Variants in CRTC1 observed in about 807,000 individuals in gnomAD.
CRTC1 encodes the protein CREB regulated transcription coactivator 1, also known as CREB-regulated transcription coactivator 1.
In CRTC1, 18 loss-of-function variants were observed where a neutral mutation model predicts 66.1. The ratio of observed to expected loss-of-function variants is 0.27; its 90% CI spans 0.19 to 0.40. The LOEUF (loss-of-function observed/expected upper bound fraction) is 0.40. Ranked by LOEUF, CRTC1 falls within the 10% of genes least tolerant of loss-of-function variation. The pLI is 1.00. For synonymous variants in CRTC1, 416 were observed against 398.8 expected, an observed-to-expected ratio of 1.04 and a Z score of -0.51; for missense variants, 669 against 887.9, an observed-to-expected ratio of 0.75 and a Z score of 3.13.
intron 3 of CRTC1, among the ~76,000 whole-genome samples, chr19:18,746,341 C>T (rs554051658): frequency 2.6e-5 from 4 of 152,250 alleles, no homozygotes; most frequent in Admixed American, 6.5e-5. Flanking sequence ...ACGCGCTGCA[C>T]GGAGGGCAGC....
chr19:18,771,356 C>A lies in CRTC1; in HGVS notation c.1321-86C>A. ...AGGGGCGGGGGGACCTGCCTGGGGG[C>A]TGATCAGGCTGCTCCCGGGAAGCAG... On this transcript the variant is annotated intron_variant, in intron 10 of 13. Coordinates refer to ENST00000321949, the MANE Select transcript of CRTC1 (RefSeq NM_015321.3). The surrounding 1 kb of genome is among the most constrained non-coding windows in gnomAD (Gnocchi z 4.6). 1 of 1,166,024 alleles carries A rather than the reference C, an allele frequency of 8.6e-7. No homozygotes were observed. The highest frequency in any genetic ancestry group is 1.2e-6 in the Non-Finnish European group (1 of 821,596). 72.2% of individuals were successfully genotyped at this position (1,166,024 alleles called of 1,614,324 possible).
intron 1 of CRTC1, among the ~76,000 whole-genome samples, chr19:18,701,590 T>G (rs750638820): frequency 1.3e-4 from 20 of 152,158 alleles, no homozygotes; most frequent in Non-Finnish European, 2.4e-4. Context: ...GTTAACTGTT[T>G]CTTATGAGAT....
intron 1 of CRTC1, among the ~76,000 whole-genome samples, chr19:18,691,522 CAAAA>C (rs60633222): frequency 8.3e-5 from 6 of 72,644 alleles, no homozygotes; most frequent in African/African-American, 1.2e-4. Flanking sequence ...CCCTTTTCTC[CAAAA>C]AAAAAAAAAA....
In CRTC1 at chr19:18,768,596, C is replaced by T. The variant is rs1262466306; in HGVS notation, c.1123C>T (p.Pro375Ser). 3.9e-6 allele frequency: 6 copies of T among 1,549,452 alleles called. No individual in the cohort carries two copies. Among genetic ancestry groups the T allele is most frequent in the Non-Finnish European group, 5.3e-6 (6 of 1,142,486 alleles). ...PQPQPPPPPP[P>S]ASQQPPPPPP... ...GCCCCAGCCCCCGCCGCCTCCTCCA[C>T]CCGCGTCCCAGCAGCCACCACCCCC... Residue 375 changes from proline (P) to serine (S), a missense_variant, in exon 10 of 14, where the codon CCC becomes TCC. By Grantham distance (74) the Pro-to-Ser change is moderately conservative (BLOSUM62 -1). Around this residue, in one of 8 missense-constraint regions of CRTC1, gnomAD observed 241 missense variants for 242.2 expected, o/e 0.99. Coordinates refer to ENST00000321949, the MANE Select transcript of CRTC1 (RefSeq NM_015321.3). This position sits in a 1 kb window ranked among gnomAD's most constrained non-coding sequence, Gnocchi z 5.6.
chr19:18,708,424 C>T (rs922422742), intron 1 of CRTC1, among the ~76,000 whole-genome samples: 15 of 152,144 alleles, frequency 9.9e-5, no homozygotes, highest in East Asian at 7.7e-4. Context: ...GAGAGAGGAA[C>T]GGGGCCACCC....
chr19:18,724,733 C>T lies in CRTC1; in HGVS notation c.127-18177C>T, dbSNP rs142657195. Among the ~76,000 whole-genome samples, 12 of 149,592 alleles carry T rather than the reference C, an allele frequency of 8.0e-5. No individual in the cohort carries two copies. In the East Asian group the frequency reaches 1.0e-3, roughly 13 times the overall value. Reference sequence around the variant, plus strand: ...GCAGTCACCCGATGTAGGGTCCTCCCGGCTAATCTAGGATGATTTCTTCAT... The same window carrying T: ...GCAGTCACCCGATGTAGGGTCCTCCTGGCTAATCTAGGATGATTTCTTCAT... On this transcript the variant is annotated intron_variant, in intron 1 of 13. Coordinates refer to ENST00000321949, the MANE Select transcript of CRTC1 (RefSeq NM_015321.3).
intron 1 of CRTC1, among the ~76,000 whole-genome samples, chr19:18,708,523 G>A (rs1030551197): frequency 2.6e-5 from 4 of 152,192 alleles, no homozygotes; most frequent in African/African-American, 4.8e-5. Context: ...TGGGGGAATC[G>A]GGACCATGAC....
Position 18,760,281 on chromosome 19 carries a change from AC to A in CRTC1, c.886+54del. On this transcript the variant is annotated intron_variant, in intron 8 of 13. Coordinates refer to ENST00000321949, the MANE Select transcript of CRTC1 (RefSeq NM_015321.3). The surrounding 1 kb of genome is among the most constrained non-coding windows in gnomAD (Gnocchi z 6.2). ...CAGAGCACTGGCTTGTGGAGACAAC[AC>A]GGGCATCTGCAGGATGACTTGGCAG... 7.2e-7 allele frequency: 1 copy of A among 1,380,294 alleles called. No individual in the cohort carries two copies. The highest frequency in any genetic ancestry group is 1.0e-6 in the Non-Finnish European group (1 of 1,003,166). The allele number at this position is 1,380,294 out of a possible 1,614,324, so 85.5% of individuals were successfully genotyped here.
chr19:18,710,014 C>A (rs1397738463), intron 1 of CRTC1, among the ~76,000 whole-genome samples: 1 of 151,654 alleles, frequency 6.6e-6, no homozygotes, highest in East Asian at 1.9e-4. Context: ...GAGCCCAGCA[C>A]CCGCCCCCCC....
chr19:18,763,193 C>G (rs922067130), intron 8 of CRTC1, among the ~76,000 whole-genome samples: 1 of 151,214 alleles, frequency 6.6e-6, no homozygotes, highest in Non-Finnish European at 1.5e-5. Context: ...CTTCGCCTCC[C>G]AGTCCCAAGC....
rs922257978 is a variant in CRTC1 at position 18,777,996 on chromosome 19, C to T, written c.*614C>T. ...GCACACACAGAGCCCTGGCGTCCACCGGGGCAGGCGCAAAGTGGACAGAGC... is the reference window on the plus strand; with the variant it reads ...GCACACACAGAGCCCTGGCGTCCACTGGGGCAGGCGCAAAGTGGACAGAGC... On this transcript the variant is annotated 3_prime_UTR_variant, in exon 14 of 14. Transcript: ENST00000321949. The surrounding 1 kb of genome is among the most constrained non-coding windows in gnomAD (Gnocchi z 5.5). 6.7e-5 allele frequency: 16 copies of T among 237,486 alleles called. 1 individual carries two copies. The highest frequency in any genetic ancestry group is 5.6e-4 in the Admixed American group (10 of 17,820). 14.7% of individuals were successfully genotyped at this position (237,486 alleles called of 1,614,324 possible). A position where few individuals can be genotyped will look rare whatever the true frequency, so the allele number is the denominator to read the frequency against.
Position 18,779,524 on chromosome 19 carries a change from A to G in CRTC1, c.*2142A>G, listed in dbSNP as rs1465374234. On this transcript the variant is annotated 3_prime_UTR_variant, in exon 14 of 14. Coordinates refer to ENST00000321949, the MANE Select transcript of CRTC1 (RefSeq NM_015321.3). ...TTTCATTACCATTAGACTTGTATGT[A>G]GGACTTAAAAAAAAATGGCCTTAAT... is the stretch of plus-strand genomic sequence containing the variant. The G allele has an allele frequency of 2.8e-5, 6 of 211,468 alleles. No homozygotes were observed. The East Asian group carries it at 4.2e-4, about 15-fold the overall frequency. 13.1% of individuals were successfully genotyped at this position (211,468 alleles called of 1,614,324 possible).
At position 18,760,058 on chromosome 19, in the gene CRTC1, C is replaced by T; in HGVS notation, c.716C>T (p.Thr239Ile). ...AACACTACAGCCCTGATCCCCGCCA[C>T]CCACAACACAGGGGGGTCCCTGCCC... Reference protein sequence around the residue: ...QENTTALIPATHNTGGSLPDL... With the variant: ...QENTTALIPAIHNTGGSLPDL... The change falls in exon 8 of 14, where the codon ACC (threonine) becomes ATC (isoleucine). Residue 239 changes from threonine to isoleucine, a missense_variant. Coordinates refer to ENST00000321949, the MANE Select transcript of CRTC1 (RefSeq NM_015321.3). This position sits in a 1 kb window ranked among gnomAD's most constrained non-coding sequence, Gnocchi z 6.2. 1 of 1,612,040 alleles carries T rather than the reference C, an allele frequency of 6.2e-7. No individual in the cohort carries two copies. The highest frequency in any genetic ancestry group is 1.1e-5 in the South Asian group (1 of 91,012).
chr19:18,734,924 C>T (rs1163145440), intron 1 of CRTC1, among the ~76,000 whole-genome samples: 4 of 152,168 alleles, frequency 2.6e-5, no homozygotes, highest in Non-Finnish European at 4.4e-5. Flanking sequence ...GTGTACCCTG[C>T]GGCCATTACC....
intron 9 of CRTC1, among the ~76,000 whole-genome samples, chr19:18,766,922 T>C (rs2054749564): frequency 6.6e-6 from 1 of 152,218 alleles, no homozygotes; most frequent in South Asian, 2.1e-4. Flanking sequence ...TCTTTAAAAG[T>C]TTGGTAAAAT....
chr19:18,683,683 G>C lies in CRTC1; in HGVS notation c.-20G>C. ...GGAGGTGGAGGAGGAGGAGGAGGAGGAGGAGGTGGCGGCGAGAAGATGGCG... is the reference window on the plus strand; with the variant it reads ...GGAGGTGGAGGAGGAGGAGGAGGAGCAGGAGGTGGCGGCGAGAAGATGGCG... On this transcript the variant is annotated 5_prime_UTR_variant, in exon 1 of 14. Transcript: ENST00000321949. 1 of 1,387,188 alleles carries C rather than the reference G, an allele frequency of 7.2e-7. No homozygotes were observed. Among genetic ancestry groups the C allele is most frequent in the South Asian group, 1.3e-5 (1 of 76,478 alleles). The allele number at this position is 1,387,188 out of a possible 1,614,324, so 85.9% of individuals were successfully genotyped here.
chr19:18,712,351 C>A (rs569831730), intron 1 of CRTC1, among the ~76,000 whole-genome samples: 1 of 152,136 alleles, frequency 6.6e-6, no homozygotes, highest in Non-Finnish European at 1.5e-5. Context: ...CTCCACCTCC[C>A]GGGTTTAAGT....
intron 1 of CRTC1, among the ~76,000 whole-genome samples, chr19:18,691,905 G>C (rs1221412382): frequency 1.3e-5 from 2 of 151,988 alleles, no homozygotes; most frequent in East Asian, 3.9e-4. Context: ...GTAGAGATGG[G>C]GTTCATCCTA....
In CRTC1 at chr19:18,768,644, C is replaced by G; in HGVS notation, c.1171C>G (p.Arg391Gly). The part of the protein sequence containing the change: ...PPPPPPQAPV[R>G]LPPGGPLLPS... ...CCCGCCACCCCCACAGGCGCCCGTC[C>G]GCCTGCCCCCTGGTGGCCCCCTGTT... is the stretch of plus-strand genomic sequence containing the variant. Residue 391 changes from arginine to glycine, a missense_variant, in exon 10 of 14, where the codon CGC becomes GGC. By Grantham distance (125) the Arg-to-Gly change is moderately radical. Transcript: ENST00000321949. The surrounding 1 kb of genome is among the most constrained non-coding windows in gnomAD (Gnocchi z 5.6). The G allele has an allele frequency of 6.5e-7, 1 of 1,532,544 alleles. No homozygotes were observed. The highest frequency in any genetic ancestry group is 2.3e-4 in the Middle Eastern group (1 of 4,348). 94.9% of individuals were successfully genotyped at this position (1,532,544 alleles called of 1,614,324 possible). A position where few individuals can be genotyped will look rare whatever the true frequency, so the allele number is the denominator to read the frequency against.
Sources: allele counts gnomAD v4.1 joint callset (sites outside exome capture counted in the v4.1 genomes callset), GRCh38; gene constraint gnomAD v4.1.1; regional missense constraint gnomAD v4.1.1; non-coding constraint Gnocchi (gnomAD v3.1); transcripts MANE v1.5; gene names NCBI Gene and HGNC (gene_info 2026-07-23, HGNC 2026-07-21).